RASEF: variants seen among roughly 807,000 people sequenced by gnomAD.
RASEF encodes ras and EF-hand domain-containing protein.
In RASEF, 68 loss-of-function variants were observed where a neutral mutation model predicts 90.1. That is an observed-to-expected ratio of 0.75 (90% CI 0.62 to 0.92). RASEF has a LOEUF of 0.92. Ranked by LOEUF, RASEF falls within the 40% of genes least tolerant of loss-of-function variation. The probability of loss-of-function intolerance (pLI) is 0.00; values close to 1 mark genes in which losing one functional copy is unlikely to be tolerated. For synonymous variants in RASEF, 331 were observed against 345.2 expected (o/e 0.96, Z 0.46); for missense variants, 949 against 937.2 (o/e 1.01, Z -0.16).
the RASEF span, among the ~76,000 whole-genome samples, chr9:83,110,821 G>A: frequency 6.6e-6 from 1 of 152,000 alleles, no homozygotes; most frequent in African/African-American, 2.4e-5. Flanking sequence ...CAGTAATTCT[G>A]GGTTAGTTGT....
the RASEF span, among the ~76,000 whole-genome samples, chr9:83,094,614 G>A: frequency 9.2e-5 from 14 of 152,014 alleles, no homozygotes; most frequent in Admixed American, 2.0e-4. Flanking sequence ...AAAGCCAGGC[G>A]TACATAATAT....
At chr9:83,159,464 A>G in the RASEF span, among the ~76,000 whole-genome samples, 2 of 152,202 alleles carry the variant, frequency 1.3e-5, no homozygotes, top group African/African-American at 4.8e-5. Flanking sequence ...AATTATAAAA[A>G]CAAGGCTTAT....
chr9:83,037,749 T>C (rs866156166), intron 1 of RASEF, among the ~76,000 whole-genome samples: 3,404 of 150,816 alleles, frequency 0.023, 111 homozygotes, highest in African/African-American at 0.078. Flanking sequence ...GTCCTATTTT[T>C]TTTTTTTTTT....
the RASEF span, among the ~76,000 whole-genome samples, chr9:83,181,932 T>G: frequency 6.6e-6 from 1 of 152,210 alleles, no homozygotes; most frequent in African/African-American, 2.4e-5. Context: ...GCAGACTGCT[T>G]TTCTGCATTG....
At chr9:83,119,402 A>G in the RASEF span, among the ~76,000 whole-genome samples, 1 of 152,182 alleles carries the variant, frequency 6.6e-6, no homozygotes, top group African/African-American at 2.4e-5. Context: ...AAAACATCCT[A>G]TAAGGAAACT....
At chr9:83,154,567 A>G in the RASEF span, among the ~76,000 whole-genome samples, 3 of 152,092 alleles carry the variant, frequency 2.0e-5, no homozygotes, top group African/African-American at 7.2e-5. Context: ...CCACTTCCTG[A>G]GTGCACCTGA....
At chr9:82,999,478 T>C (rs1270957817) in intron 12 of RASEF, among the ~76,000 whole-genome samples, 1 of 152,198 alleles carries the variant, frequency 6.6e-6, no homozygotes, top group African/African-American at 2.4e-5. Flanking sequence ...TTCTTCATGG[T>C]GTATCGTTTG....
At chr9:83,083,203 G>C in the RASEF span, among the ~76,000 whole-genome samples, 1 of 152,132 alleles carries the variant, frequency 6.6e-6, no homozygotes, top group Non-Finnish European at 1.5e-5. Context: ...AAAGGGGTTT[G>C]TCTGTGACTC....
At chr9:83,132,273 G>T in the RASEF span, among the ~76,000 whole-genome samples, 1 of 152,128 alleles carries the variant, frequency 6.6e-6, no homozygotes, top group East Asian at 1.9e-4. Context: ...CCTGGAGAAA[G>T]CCATGCTGTG....
the RASEF span, among the ~76,000 whole-genome samples, chr9:83,180,483 CTT>C: frequency 6.8e-6 from 1 of 146,888 alleles, no homozygotes; most frequent in African/African-American, 2.5e-5. Flanking sequence ...GTAAACATTA[CTT>C]TTTTTTTTTT....
chr9:83,112,811 C>T, the RASEF span, among the ~76,000 whole-genome samples: 4 of 151,702 alleles, frequency 2.6e-5, no homozygotes, highest in South Asian at 8.3e-4. Flanking sequence ...ACTTGGGATG[C>T]TAATTTTGGG....
At chr9:83,118,021 A>C in the RASEF span, among the ~76,000 whole-genome samples, 2 of 152,202 alleles carry the variant, frequency 1.3e-5, no homozygotes, top group African/African-American at 4.8e-5. Context: ...TCTGGGCCTC[A>C]GTTTACTCAA....
the RASEF span, among the ~76,000 whole-genome samples, chr9:83,196,029 C>T: frequency 3.9e-5 from 6 of 151,930 alleles, no homozygotes; most frequent in South Asian, 8.3e-4. Context: ...ACACGGCACA[C>T]GAAAGAGAAG....
chr9:83,058,943 G>A (rs1347160424), intron 1 of RASEF, among the ~76,000 whole-genome samples: 1 of 151,982 alleles, frequency 6.6e-6, no homozygotes, highest in Non-Finnish European at 1.5e-5. Context: ...ACAAATCCTA[G>A]CCTAGCACTG....
At chr9:83,075,832 G>A in the RASEF span, among the ~76,000 whole-genome samples, 2 of 151,934 alleles carry the variant, frequency 1.3e-5, no homozygotes, top group African/African-American at 4.8e-5. Context: ...GTTCCCAGAA[G>A]TACAAAATAA....
chr9:83,002,264 G>A (rs1829053573), intron 9 of RASEF, among the ~76,000 whole-genome samples: 2 of 152,132 alleles, frequency 1.3e-5, no homozygotes, highest in Admixed American at 1.3e-4. Context: ...AATTAAGTGT[G>A]AGCCATGTAA....
At chr9:83,152,263 C>A in the RASEF span, among the ~76,000 whole-genome samples, 1 of 152,146 alleles carries the variant, frequency 6.6e-6, no homozygotes, top group Non-Finnish European at 1.5e-5. Flanking sequence ...TTTAACTATT[C>A]TGAGGTTGGT....
At chr9:83,200,460 C>G in the RASEF span, among the ~76,000 whole-genome samples, 1 of 152,124 alleles carries the variant, frequency 6.6e-6, no homozygotes, top group Non-Finnish European at 1.5e-5. Flanking sequence ...CAATTAGAAG[C>G]CTTGCACTTG....
chr9:83,001,566 A>G (rs1020329427), intron 9 of RASEF, among the ~76,000 whole-genome samples: 5 of 152,292 alleles, frequency 3.3e-5, no homozygotes, highest in Admixed American at 3.3e-4. Context: ...GAGAGCCCAA[A>G]CAGAAAAGGC....
Sources: allele counts gnomAD v4.1 joint callset (sites outside exome capture counted in the v4.1 genomes callset), GRCh38; gene constraint gnomAD v4.1.1; transcripts MANE v1.5; gene names NCBI Gene and HGNC (gene_info 2026-07-23, HGNC 2026-07-21).